Variants in ANKRD31 observed in about 807,000 individuals in gnomAD.
ANKRD31 encodes ankyrin repeat domain-containing protein 31.
A neutral mutation model predicts 186.0 loss-of-function variants in ANKRD31; 147 were observed. That is an observed-to-expected ratio of 0.79 (90% CI 0.69 to 0.91). The LOEUF is 0.91. ANKRD31 is among the 40% of genes least tolerant of loss of function. The pLI is 0.00. For missense variants in ANKRD31, 1,986 were observed against 2,148.8 expected, an observed-to-expected ratio of 0.92 and a Z score of 1.50; for synonymous variants, 673 against 736.4, an observed-to-expected ratio of 0.91 and a Z score of 1.39.
intron 3 of ANKRD31, among the ~76,000 whole-genome samples, chr5:75,216,773 G>A (rs1756986303): frequency 6.6e-6 from 1 of 151,750 alleles, no homozygotes. Context: ...TTATGCCAAG[G>A]TGCTAACAGA....
chr5:75,128,507 T>G (rs1022569215), intron 17 of ANKRD31, among the ~76,000 whole-genome samples: 22 of 74,760 alleles, frequency 2.9e-4, no homozygotes, highest in African/African-American at 2.6e-3. Flanking sequence ...TTTATTTTAT[T>G]TATTTATTTA....
At chr5:75,222,767 C>CA (rs1386357497) in intron 2 of ANKRD31, among the ~76,000 whole-genome samples, 4 of 152,308 alleles carry the variant, frequency 2.6e-5, no homozygotes, top group African/African-American at 9.6e-5. Flanking sequence ...CATGTCCCTG[C>CA]AAAGGACATG....
intron 17 of ANKRD31, among the ~76,000 whole-genome samples, chr5:75,126,099 T>A (rs941758308): frequency 5.9e-5 from 9 of 152,196 alleles, no homozygotes; most frequent in African/African-American, 2.2e-4. Context: ...AGAATGCAGT[T>A]TTTGTGTCTG....
At chr5:75,188,981 C>T (rs1754920974) in intron 9 of ANKRD31, among the ~76,000 whole-genome samples, 1 of 152,016 alleles carries the variant, frequency 6.6e-6, no homozygotes, top group African/African-American at 2.4e-5. Context: ...CTTAAAAGTT[C>T]TGGTGAAAAG....
In ANKRD31 at chr5:75,146,620, T is replaced by C. The variant is rs1447125768; in HGVS notation, c.2791A>G (p.Lys931Glu). The C allele has an allele frequency of 6.5e-7, 1 of 1,535,540 alleles. No individual in the cohort carries two copies. The highest frequency in any genetic ancestry group is 8.7e-7 in the Non-Finnish European group (1 of 1,146,118). Reference protein sequence around the residue: ...STGGKKHYNFKENLTNKKEMG... With the variant: ...STGGKKHYNFEENLTNKKEMG... Reference sequence around the variant, plus strand: ...TCTTTTTTATTTGTTAAATTCTCCTTAAAATTATAGTGTTTTTTGCCACCT... The same window carrying C: ...TCTTTTTTATTTGTTAAATTCTCCTCAAAATTATAGTGTTTTTTGCCACCT... The change falls in exon 14 of 26, where the codon AAG (lysine) becomes GAG (glutamate). Residue 931 changes from lysine (K) to glutamate (E), a missense_variant. Physicochemically the swap from Lys to Glu is moderately conservative, Grantham distance 56. Coordinates refer to ENST00000506364, the MANE Select transcript of ANKRD31 (RefSeq NM_001372053.1).
intron 17 of ANKRD31, among the ~76,000 whole-genome samples, chr5:75,121,057 C>T (rs1412432523): frequency 6.6e-6 from 1 of 151,906 alleles, no homozygotes; most frequent in Non-Finnish European, 1.5e-5. Flanking sequence ...GTGGCGTGCG[C>T]CTGTAATCCC....
chr5:75,179,865 T>G (rs1482174733), intron 10 of ANKRD31, among the ~76,000 whole-genome samples: 7 of 151,970 alleles, frequency 4.6e-5, no homozygotes, highest in East Asian at 1.9e-4. Context: ...TCAACATACT[T>G]TTGGAAGTTC....
At chr5:75,079,215 A>C (rs187135772) in intron 25 of ANKRD31, among the ~76,000 whole-genome samples, 2 of 152,288 alleles carry the variant, frequency 1.3e-5, no homozygotes, top group Admixed American at 6.5e-5. Context: ...CAAGATTAAA[A>C]ATTTTTATCA....
intron 17 of ANKRD31, among the ~76,000 whole-genome samples, chr5:75,137,614 T>C (rs1046948139): frequency 1.3e-5 from 2 of 152,196 alleles, no homozygotes; most frequent in African/African-American, 2.4e-5. Context: ...TTGTGTTTAC[T>C]TTTACTCTCT....
chr5:75,193,244 C>A, intron 8 of ANKRD31, 67 bp downstream of exon 8: 1 of 1,459,556 alleles, frequency 6.9e-7, no homozygotes, highest in Non-Finnish European at 9.1e-7. Flanking sequence ...CCTGATGTCC[C>A]CAAGCATATA....
Position 75,104,355 on chromosome 5 carries a change from T to C in ANKRD31, c.5204A>G (p.Gln1735Arg). The change falls in exon 22 of 26, where the codon CAA becomes CGA. Residue 1735 changes from glutamine to arginine, a missense_variant. Transcript: ENST00000506364. ...SQISSSSGSG[Q>R]QDTIKKALNY... ...TAAAGCCTTTTTTATTGTATCTTGT[T>C]GCCCAGATCCAGAGGAAGAGGAGAT... The C allele has an allele frequency of 6.5e-7, 1 of 1,537,232 alleles. No homozygotes were observed. The highest frequency in any genetic ancestry group is 8.7e-7 in the Non-Finnish European group (1 of 1,146,898).
In ANKRD31 at chr5:75,118,151, A is replaced by G. The variant is rs1748446845; in HGVS notation, c.4023T>C (p.Ser1341=). The G allele has an allele frequency of 6.7e-7, 1 of 1,483,604 alleles. No individual in the cohort carries two copies. Among genetic ancestry groups the G allele is most frequent in the Non-Finnish European group, 8.9e-7 (1 of 1,128,286 alleles). 91.9% of individuals were successfully genotyped at this position (1,483,604 alleles called of 1,614,324 possible). A position where few individuals can be genotyped will look rare whatever the true frequency, so the allele number is the denominator to read the frequency against. The change falls in exon 18 of 26, where the codon AGT becomes AGC. Residue 1341 remains serine, a synonymous_variant. Coordinates refer to ENST00000506364, the MANE Select transcript of ANKRD31 (RefSeq NM_001372053.1). ...TATACATACCATTGACTATAGCATC[A>G]CTCTCATCTCTATTAACAGTCTCAA... ...GAIETVNRDE[S]DAIVNEKIPA...
intron 3 of ANKRD31, among the ~76,000 whole-genome samples, chr5:75,215,873 T>G (rs541829433): frequency 2.6e-5 from 4 of 152,182 alleles, no homozygotes; most frequent in Admixed American, 2.0e-4. Context: ...TTTCTTTATC[T>G]GATAAAATCA....
intron 22 of ANKRD31, among the ~76,000 whole-genome samples, chr5:75,098,668 T>C (rs1746541628): frequency 6.6e-6 from 1 of 152,218 alleles, no homozygotes; most frequent in South Asian, 2.1e-4. Context: ...GTTGGATTTC[T>C]AGGTATTTTA....
intron 3 of ANKRD31, among the ~76,000 whole-genome samples, chr5:75,212,564 T>G (rs1756720921): frequency 6.6e-6 from 1 of 152,054 alleles, no homozygotes; most frequent in African/African-American, 2.4e-5. Context: ...CCCAGGGAGG[T>G]CAAGGCTGCA....
chr5:75,209,211 A>G (rs1390543022), intron 4 of ANKRD31, among the ~76,000 whole-genome samples: 1 of 152,122 alleles, frequency 6.6e-6, no homozygotes, highest in East Asian at 1.9e-4. Flanking sequence ...TTGTAACATC[A>G]TGCATTGGTC....
At chr5:75,195,522 G>A (rs923597921) in intron 7 of ANKRD31, 109 bp downstream of exon 7, 2 of 933,902 alleles carry the variant, frequency 2.1e-6, no homozygotes. Context: ...CAAAATCATA[G>A]ACTCATATTT....
At chr5:75,206,773 T>G (rs1756281064) in intron 4 of ANKRD31, among the ~76,000 whole-genome samples, 1 of 152,152 alleles carries the variant, frequency 6.6e-6, no homozygotes, top group East Asian at 1.9e-4. Flanking sequence ...GGTGACTGTT[T>G]GCCAAATAGG....
chr5:75,137,568 T>C (rs1421514522), intron 17 of ANKRD31, among the ~76,000 whole-genome samples: 4 of 152,134 alleles, frequency 2.6e-5, no homozygotes. Flanking sequence ...CAAATTATCT[T>C]AGACAATTAA....
Sources: allele counts gnomAD v4.1 joint callset (sites outside exome capture counted in the v4.1 genomes callset), GRCh38; gene constraint gnomAD v4.1.1; transcripts MANE v1.5; gene names NCBI Gene and HGNC (gene_info 2026-07-23, HGNC 2026-07-21).